AADAT: variants seen among roughly 807,000 people sequenced by gnomAD.
AADAT encodes kynurenine/alpha-aminoadipate aminotransferase, mitochondrial.
Under a neutral mutation model 56.2 loss-of-function variants are expected in AADAT, and 25 were observed. The ratio of observed to expected loss-of-function variants is 0.44; its 90% CI spans 0.32 to 0.62. The LOEUF is 0.62. Among genes scored for constraint, AADAT ranks in the 20% least tolerant of loss-of-function variants. AADAT has a pLI of 0.04. For synonymous variants in AADAT, 173 were observed against 164.7 expected, an observed-to-expected ratio of 1.05 and a Z score of -0.39; for missense variants, 387 against 510.5, an observed-to-expected ratio of 0.76 and a Z score of 2.33.
intron 3 of AADAT, among the ~76,000 whole-genome samples, chr4:170,079,662 AGAG>A (rs1265557108): frequency 1.3e-5 from 2 of 152,146 alleles, no homozygotes; most frequent in East Asian, 1.9e-4. Flanking sequence ...GAAATGAGGA[AGAG>A]GAGGTGTCAA....
chr4:170,092,167 T>C (rs957780250), upstream of AADAT, among the ~76,000 whole-genome samples: 2 of 152,244 alleles, frequency 1.3e-5, no homozygotes, highest in African/African-American at 4.8e-5. Flanking sequence ...CCACCAGCGG[T>C]AACCCGCTTG....
At chr4:170,064,955 G>A (rs1731373497) in intron 10 of AADAT, 130 bp from the exon 11 acceptor site, 1 of 646,042 alleles carries the variant, frequency 1.5e-6, no homozygotes. Context: ...TTCAATTATA[G>A]CATTTTTAAA....
intron 4 of AADAT, among the ~76,000 whole-genome samples, chr4:170,078,052 T>C (rs931469380): frequency 6.6e-6 from 1 of 152,314 alleles, no homozygotes; most frequent in African/African-American, 2.4e-5. Flanking sequence ...ATCAGCTTCC[T>C]CATTCTGTAA....
At chr4:170,092,004 T>C (rs1053982621), upstream of AADAT, among the ~76,000 whole-genome samples, 2 of 152,192 alleles carry the variant, frequency 1.3e-5, no homozygotes, top group Non-Finnish European at 2.9e-5. Context: ...AGAACTTTTG[T>C]GTGTAGCTCA....
intron 3 of AADAT, among the ~76,000 whole-genome samples, chr4:170,084,649 A>G (rs1208023375): frequency 6.6e-6 from 1 of 152,168 alleles, no homozygotes; most frequent in African/African-American, 2.4e-5. Flanking sequence ...ATCTCACCAC[A>G]AACAGTAGGG....
intron 11 of AADAT, among the ~76,000 whole-genome samples, chr4:170,062,721 A>G (rs1454934108): frequency 6.6e-6 from 1 of 152,108 alleles, no homozygotes; most frequent in Non-Finnish European, 1.5e-5. Context: ...GCGAATCCTA[A>G]TCAATGGATG....
chr4:170,076,245 AT>A, intron 4 of AADAT, among the ~76,000 whole-genome samples: 1 of 151,546 alleles, frequency 6.6e-6, no homozygotes, highest in African/African-American at 2.4e-5. Context: ...CATATTCACT[AT>A]TTTTTTTTAA....
chr4:170,077,649 C>T (rs1019446395), intron 4 of AADAT, among the ~76,000 whole-genome samples: 1 of 152,200 alleles, frequency 6.6e-6, no homozygotes, highest in Admixed American at 6.5e-5. Flanking sequence ...TGACTGAGCA[C>T]CTACAGTGAT....
intron 11 of AADAT, among the ~76,000 whole-genome samples, chr4:170,064,218 T>A (rs1731334188): frequency 6.6e-6 from 1 of 152,174 alleles, no homozygotes; most frequent in South Asian, 2.1e-4. Flanking sequence ...ATCTCCATCA[T>A]CAGAAAACAA....
chr4:170,060,270 A>G lies in AADAT; in HGVS notation c.*658T>C, dbSNP rs908234461. ...TTTAAAGGAATTTCTGTGGCATAACATAAGGTTTATGGTACTTTTACTAAA... is the reference window on the plus strand; with the variant it reads ...TTTAAAGGAATTTCTGTGGCATAACGTAAGGTTTATGGTACTTTTACTAAA... On this transcript the variant is annotated 3_prime_UTR_variant, in exon 13 of 13. Transcript: ENST00000337664. The G allele has an allele frequency of 1.3e-5, 2 of 152,186 alleles. No individual in the cohort carries two copies. Among genetic ancestry groups the G allele is most frequent in the African/African-American group, 4.8e-5 (2 of 41,456 alleles). The allele number at this position is 152,186 out of a possible 1,614,324, so 9.4% of individuals were successfully genotyped here. A position where few individuals can be genotyped will look rare whatever the true frequency, so the allele number is the denominator to read the frequency against.
chr4:170,069,625 C>G (rs17055413), intron 6 of AADAT, among the ~76,000 whole-genome samples: 1,717 of 152,136 alleles, frequency 0.011, 34 homozygotes, highest in African/African-American at 0.036. Flanking sequence ...GAAGGGTGTT[C>G]AGAGAGAGAA....
At chr4:170,069,059 G>C in intron 7 of AADAT, 89 bp downstream of exon 7, 1 of 1,110,244 alleles carries the variant, frequency 9.0e-7, no homozygotes, top group Middle Eastern at 2.1e-4. Flanking sequence ...AGCATTTTAA[G>C]TGAAAAAAAT....
intron 10 of AADAT, 136 bp downstream of exon 10, chr4:170,066,278 T>G: frequency 1.3e-6 from 1 of 746,932 alleles, no homozygotes; most frequent in Non-Finnish European, 2.3e-6. Flanking sequence ...AGATGATTTA[T>G]GGTGTAATGT....
At position 170,061,996 on chromosome 4, in the gene AADAT, A is replaced by G. The variant is rs1408766958; in HGVS notation, c.1135-3T>C. The G allele has an allele frequency of 1.2e-6, 2 of 1,605,258 alleles. No homozygotes were observed. Among genetic ancestry groups the G allele is most frequent in the South Asian group, 2.2e-5 (2 of 90,608 alleles). On this transcript the variant is annotated splice_region_variant and splice_polypyrimidine_tract_variant and intron_variant, in intron 11 of 12. Coordinates refer to ENST00000337664, the MANE Select transcript of AADAT (RefSeq NM_016228.4). ...GCATTTCCAGGGAGCATTAATACCT[A>G]AGAGAGTTTGTGGAAGATAAGTAAT...
intron 5 of AADAT, among the ~76,000 whole-genome samples, chr4:170,072,691 T>A (rs1258882089): frequency 6.6e-6 from 1 of 152,176 alleles, no homozygotes; most frequent in East Asian, 1.9e-4. Flanking sequence ...AAAATGTTTA[T>A]AGTGAAAAGC....
In AADAT at chr4:170,060,818, T is replaced by C; in HGVS notation, c.*110A>G. 1 of 849,440 alleles carries C rather than the reference T, an allele frequency of 1.2e-6. No individual in the cohort carries two copies. The highest frequency in any genetic ancestry group is 1.8e-6 in the Non-Finnish European group (1 of 566,834). The allele number at this position is 849,440 out of a possible 1,614,324, so 52.6% of individuals were successfully genotyped here. On this transcript the variant is annotated 3_prime_UTR_variant, in exon 13 of 13. Coordinates refer to ENST00000337664, the MANE Select transcript of AADAT (RefSeq NM_016228.4). Reference sequence around the variant, plus strand: ...AGGCCAGAGTGCAGTGGTGTGATCGTAGCTTACTGCAGCCTTGAATTCCTG... The same window carrying C: ...AGGCCAGAGTGCAGTGGTGTGATCGCAGCTTACTGCAGCCTTGAATTCCTG...
upstream of AADAT, among the ~76,000 whole-genome samples, chr4:170,091,371 G>A (rs1291214154): frequency 6.6e-6 from 1 of 152,200 alleles, no homozygotes; most frequent in South Asian, 2.1e-4. Flanking sequence ...CTTAGCACCC[G>A]GGCCAGCAGC....
intron 11 of AADAT, 97 bp from the exon 12 acceptor site, chr4:170,062,090 A>G (rs1731220978): frequency 1.4e-6 from 1 of 726,350 alleles, no homozygotes; most frequent in African/African-American, 1.8e-5. Context: ...GGATGTTTTA[A>G]GTTTAAAAGC....
At chr4:170,076,772 A>G (rs77441609) in intron 4 of AADAT, among the ~76,000 whole-genome samples, 4,966 of 152,184 alleles carry the variant, frequency 0.033, 271 homozygotes, top group African/African-American at 0.11. Context: ...ATTTTTGGTC[A>G]TATCTAAAAA....
Sources: gnomAD v4.1 joint callset for allele counts (sites outside exome capture counted in the v4.1 genomes callset) on GRCh38, gnomAD v4.1.1 for gene constraint, MANE v1.5 for transcripts, NCBI Gene and HGNC (gene_info 2026-07-23, HGNC 2026-07-21) for gene names.